PRKG1: variants seen among roughly 807,000 people sequenced by gnomAD.
PRKG1 encodes cGMP-dependent protein kinase 1.
A neutral mutation model predicts 88.1 loss-of-function variants in PRKG1; 35 were observed. The ratio of observed to expected loss-of-function variants is 0.40; its 90% CI spans 0.30 to 0.53. The LOEUF is 0.53. Ranked by LOEUF, PRKG1 falls within the 20% of genes least tolerant of loss-of-function variation. The pLI is 0.59. For missense variants in PRKG1, 540 were observed against 839.8 expected (o/e 0.64, Z 4.41); for synonymous variants, 303 against 292.5 (o/e 1.04, Z -0.37).
At chr10:52,258,246 A>T (rs1841353127) in intron 10 of PRKG1, among the ~76,000 whole-genome samples, 1 of 139,100 alleles carries the variant, frequency 7.2e-6, no homozygotes, top group African/African-American at 2.5e-5. Context: ...TCTAGAATGC[A>T]CTGGGCATGT....
At chr10:51,669,750 C>CT (rs1198691773) in intron 3 of PRKG1, among the ~76,000 whole-genome samples, 2 of 152,010 alleles carry the variant, frequency 1.3e-5, no homozygotes, top group African/African-American at 2.4e-5. Context: ...TGGTTGATAC[C>CT]TTTTTTAAAA....
At chr10:51,186,256 T>C (rs1192147168) in intron 2 of PRKG1, among the ~76,000 whole-genome samples, 1 of 151,842 alleles carries the variant, frequency 6.6e-6, no homozygotes, top group East Asian at 1.9e-4. Context: ...TTCCCAATTC[T>C]TTTTTTAATT....
chr10:52,039,385 A>G (rs1385689097), intron 5 of PRKG1, among the ~76,000 whole-genome samples: 1 of 152,146 alleles, frequency 6.6e-6, no homozygotes, highest in East Asian at 1.9e-4. Flanking sequence ...AGGTAATGTC[A>G]TCACTTAAGG....
chr10:51,447,911 A>C (rs2132763350), intron 2 of PRKG1, among the ~76,000 whole-genome samples: 1 of 152,180 alleles, frequency 6.6e-6, no homozygotes, highest in African/African-American at 2.4e-5. Flanking sequence ...CAAAATTACA[A>C]ATGGCTTCTC....
intron 2 of PRKG1, among the ~76,000 whole-genome samples, chr10:51,405,947 A>T (rs894239057): frequency 2.6e-5 from 4 of 152,146 alleles, no homozygotes; most frequent in African/African-American, 9.7e-5. Context: ...CAGAGCTGTC[A>T]TGAAGACAGG....
At chr10:51,058,289 T>G (rs1019737254) in intron 1 of PRKG1, among the ~76,000 whole-genome samples, 1 of 152,148 alleles carries the variant, frequency 6.6e-6, no homozygotes, top group East Asian at 1.9e-4. Context: ...TTCCCTACTT[T>G]GTAGTTTGCC....
intron 4 of PRKG1, among the ~76,000 whole-genome samples, chr10:51,816,982 T>G (rs908478350): frequency 6.6e-6 from 1 of 152,092 alleles, no homozygotes; most frequent in African/African-American, 2.4e-5. Context: ...ATTAAATACA[T>G]TAGTAAATCT....
intron 2 of PRKG1, among the ~76,000 whole-genome samples, chr10:51,267,809 A>T (rs1400843951): frequency 1.3e-5 from 2 of 152,202 alleles, no homozygotes; most frequent in East Asian, 3.8e-4. Flanking sequence ...GGACCTAATT[A>T]AAATAAAAAG....
intron 4 of PRKG1, among the ~76,000 whole-genome samples, chr10:51,894,592 C>A (rs188087251): frequency 6.6e-6 from 1 of 152,270 alleles, no homozygotes; most frequent in African/African-American, 2.4e-5. Context: ...AGAGTGATTT[C>A]TTGGAACCTA....
chr10:51,030,219 G>A (rs1337430433), intron 1 of PRKG1, among the ~76,000 whole-genome samples: 1 of 151,386 alleles, frequency 6.6e-6, no homozygotes, highest in African/African-American at 2.4e-5. Flanking sequence ...TTCATAATAA[G>A]CCTTTTGATA....
chr10:52,083,653 G>A (rs1038424233), intron 7 of PRKG1, among the ~76,000 whole-genome samples: 5 of 151,968 alleles, frequency 3.3e-5, no homozygotes, highest in Admixed American at 1.3e-4. Context: ...TCTGACAGAC[G>A]CAAGGGAGAG....
chr10:51,730,351 G>A (rs74495612), intron 3 of PRKG1, among the ~76,000 whole-genome samples: 1,845 of 152,320 alleles, frequency 0.012, 16 homozygotes, highest in Non-Finnish European at 0.02. Flanking sequence ...AAGTAATGAA[G>A]TGCAAACATG....
chr10:51,948,750 G>A (rs930299296), intron 5 of PRKG1, among the ~76,000 whole-genome samples: 5 of 152,076 alleles, frequency 3.3e-5, no homozygotes, highest in African/African-American at 1.2e-4. Context: ...TACTTAAGAA[G>A]AAGATTCACA....
intron 2 of PRKG1, among the ~76,000 whole-genome samples, chr10:51,438,382 C>A (rs75845260): frequency 0.033 from 4,977 of 151,758 alleles, 89 homozygotes; most frequent in Admixed American, 0.057. Flanking sequence ...TTTTTGTATT[C>A]CAGATTCTCA....
At chr10:51,777,816 T>C (rs1370319291) in intron 3 of PRKG1, among the ~76,000 whole-genome samples, 8 of 152,184 alleles carry the variant, frequency 5.3e-5, no homozygotes, top group Non-Finnish European at 8.8e-5. Context: ...TCTCTATAGT[T>C]TTGCCTTTTC....
intron 1 of PRKG1, among the ~76,000 whole-genome samples, chr10:50,996,600 A>G (rs1438932603): frequency 6.6e-6 from 1 of 152,172 alleles, no homozygotes; most frequent in East Asian, 1.9e-4. Context: ...CCAGTCCTTC[A>G]TCTTCTTCCT....
At chr10:51,293,169 T>A (rs1840628783) in intron 2 of PRKG1, among the ~76,000 whole-genome samples, 1 of 151,018 alleles carries the variant, frequency 6.6e-6, no homozygotes, top group Non-Finnish European at 1.5e-5. Flanking sequence ...AATTAACATA[T>A]CCCTGTCACC....
chr10:52,215,511 T>G (rs781437942), intron 9 of PRKG1, among the ~76,000 whole-genome samples: 99 of 152,202 alleles, frequency 6.5e-4, no homozygotes, highest in Non-Finnish European at 1.2e-3. Context: ...AAGTATTTTC[T>G]TTTGTGCATC....
At chr10:51,168,956 A>G (rs1417899440) in intron 2 of PRKG1, among the ~76,000 whole-genome samples, 1 of 152,094 alleles carries the variant, frequency 6.6e-6, no homozygotes, top group East Asian at 1.9e-4. Flanking sequence ...ACACTTTCTG[A>G]TGTTCAAGAT....
Sources: allele counts gnomAD v4.1 joint callset (sites outside exome capture counted in the v4.1 genomes callset), GRCh38; gene constraint gnomAD v4.1.1; transcripts MANE v1.5; gene names NCBI Gene and HGNC (gene_info 2026-07-23, HGNC 2026-07-21).